Variants in METRNL observed in about 807,000 individuals in gnomAD.
The protein encoded by METRNL is meteorin-like protein.
In METRNL, 9 loss-of-function variants were observed where a neutral mutation model predicts 17.4. That is an observed-to-expected ratio of 0.52 (90% CI 0.31 to 0.90). The LOEUF (loss-of-function observed/expected upper bound fraction) is 0.90. METRNL is among the 40% of genes least tolerant of loss of function. The pLI is 0.05. For synonymous variants in METRNL, 215 were observed against 199.3 expected (o/e 1.08, Z -0.66); for missense variants, 408 against 430.7 (o/e 0.95, Z 0.47).
chr17:83,091,003 C>T (rs747308546), intron 2 of METRNL, among the ~76,000 whole-genome samples: 3 of 152,176 alleles, frequency 2.0e-5, no homozygotes, highest in Non-Finnish European at 4.4e-5. Flanking sequence ...CCCCGGGGCC[C>T]CCATAGGAGA....
In METRNL at chr17:83,079,854, G is replaced by C. The variant is rs1336323807; in HGVS notation, c.39G>C (p.Gly13=). The C allele has an allele frequency of 1.0e-6, 1 of 971,018 alleles. No individual in the cohort carries two copies. The highest frequency in any genetic ancestry group is 1.2e-6 in the Non-Finnish European group (1 of 820,998). 60.2% of individuals were successfully genotyped at this position (971,018 alleles called of 1,614,324 possible). Reference sequence around the variant, plus strand: ...CGCGGGCGGCCTGGGGGCGCGCGGGGCAGCCGTGGCCGCGACCCCCCGCCC... The same window carrying C: ...CGCGGGCGGCCTGGGGGCGCGCGGGCCAGCCGTGGCCGCGACCCCCCGCCC... ...GAARAAWGRA[G]QPWPRPPAPG... Residue 13 remains glycine (G), a synonymous_variant, in exon 1 of 4, where the codon GGG becomes GGC. Transcript: ENST00000320095.
intron 1 of METRNL, among the ~76,000 whole-genome samples, chr17:83,081,231 C>G (rs560208898): frequency 6.6e-6 from 1 of 152,136 alleles, no homozygotes; most frequent in Admixed American, 6.5e-5. Flanking sequence ...CCGAGGCCGA[C>G]GGCTCTTCTG....
At chr17:83,083,227 G>A (rs2038010186) in intron 1 of METRNL, among the ~76,000 whole-genome samples, 1 of 152,214 alleles carries the variant, frequency 6.6e-6, no homozygotes, top group Non-Finnish European at 1.5e-5. Context: ...AGTTGTGGCT[G>A]TTCCCCTCGC....
At chr17:83,086,350 G>A (rs545737496) in intron 2 of METRNL, among the ~76,000 whole-genome samples, 1 of 152,342 alleles carries the variant, frequency 6.6e-6, no homozygotes, top group African/African-American at 2.4e-5. Context: ...TGGCCCATGA[G>A]CTCAGACTGC....
intron 3 of METRNL, among the ~76,000 whole-genome samples, chr17:83,093,750 C>CG (rs1470858514): frequency 9.2e-5 from 14 of 152,120 alleles, no homozygotes; most frequent in Admixed American, 6.5e-5. Flanking sequence ...TTTGGCCTCC[C>CG]GTCGTGTGGT....
chr17:83,093,280 G>A, intron 3 of METRNL, 54 bp downstream of exon 3: 1 of 1,475,396 alleles, frequency 6.8e-7, no homozygotes, highest in Non-Finnish European at 9.4e-7. Flanking sequence ...TCTGCCACAT[G>A]GAGCTGTTTG....
At chr17:83,087,530 C>G (rs1470625348) in intron 2 of METRNL, among the ~76,000 whole-genome samples, 1 of 152,192 alleles carries the variant, frequency 6.6e-6, no homozygotes, top group Non-Finnish European at 1.5e-5. Context: ...GCTGATACCT[C>G]TCCTCTCCCC....
chr17:83,090,851 C>T (rs1444427686), intron 2 of METRNL, among the ~76,000 whole-genome samples: 1 of 152,070 alleles, frequency 6.6e-6, no homozygotes, highest in African/African-American at 2.4e-5. Flanking sequence ...CTCCTTGTTG[C>T]TTCCGGACGT....
chr17:83,094,678 A>G lies in METRNL; in HGVS notation c.*103A>G, dbSNP rs8269. On this transcript the variant is annotated 3_prime_UTR_variant, in exon 4 of 4. Coordinates refer to ENST00000320095, the MANE Select transcript of METRNL (RefSeq NM_001004431.3). ...GTGAGGGCCGCGCGCTGGGAGCCGC[A>G]TGCCCTGGGCCCAGGCCTGACCCTG... 0.37 allele frequency: 353,223 copies of G among 967,728 alleles called. 66,809 individuals carry two copies. The highest frequency in any genetic ancestry group is 0.57 in the East Asian group (17,783 of 30,942). 59.9% of individuals were successfully genotyped at this position (967,728 alleles called of 1,614,324 possible).
In METRNL at chr17:83,085,336, C is replaced by T. The variant is rs1164858261; in HGVS notation, c.556+13C>T. On this transcript the variant is annotated intron_variant, in intron 2 of 3. Coordinates refer to ENST00000320095, the MANE Select transcript of METRNL (RefSeq NM_001004431.3). ...CACGAGCTGTCTGGTGAGTGTCCTG[C>T]CTGGGGCGGGGGCGGCGGGCCTCGT... 14 of 1,513,816 alleles carry T rather than the reference C, an allele frequency of 9.2e-6. No homozygotes were observed. Among genetic ancestry groups the T allele is most frequent in the Middle Eastern group, 1.9e-4 (1 of 5,264 alleles). The allele number at this position is 1,513,816 out of a possible 1,614,324, so 93.8% of individuals were successfully genotyped here.
intron 1 of METRNL, 136 bp downstream of exon 1, chr17:83,080,121 G>A: frequency 3.4e-6 from 1 of 297,056 alleles, no homozygotes; most frequent in Non-Finnish European, 5.0e-6. Context: ...TCCAGGCCCA[G>A]TCCGGTGCCC....
At chr17:83,091,731 G>A (rs2038139632) in intron 2 of METRNL, among the ~76,000 whole-genome samples, 1 of 152,234 alleles carries the variant, frequency 6.6e-6, no homozygotes, top group South Asian at 2.1e-4. Flanking sequence ...CCCAAGTCAA[G>A]GTCGTCCCAG....
In METRNL at chr17:83,094,297, C is replaced by T. The variant is rs760504714; in HGVS notation, c.658C>T (p.Arg220Trp). ...SIQQVTHEPE[R>W]QDSAIHLRVS... ...CCAGCAAGTTACCCACGAGCCTGAG[C>T]GGCAGGACTCAGCCATCCACCTGCG... The change falls in exon 4 of 4, where the codon CGG becomes TGG. Residue 220 changes from arginine to tryptophan, a missense_variant. Physicochemically the swap from Arg to Trp is moderately radical, Grantham distance 101. Coordinates refer to ENST00000320095, the MANE Select transcript of METRNL (RefSeq NM_001004431.3). 165 of 1,590,268 alleles carry T rather than the reference C, an allele frequency of 1.0e-4. No individual in the cohort carries two copies. Among genetic ancestry groups the T allele is most frequent in the Non-Finnish European group, 1.4e-4 (157 of 1,162,674 alleles).
In METRNL at chr17:83,084,751, C is replaced by A. The variant is rs575466354; in HGVS notation, c.171-187C>A. 67 of 679,840 alleles carry A rather than the reference C, an allele frequency of 9.9e-5. 1 individual carries two copies. The South Asian group carries it at 1.3e-3, about 13-fold the overall frequency. The allele number at this position is 679,840 out of a possible 1,614,324, so 42.1% of individuals were successfully genotyped here. A position where few individuals can be genotyped will look rare whatever the true frequency, so the allele number is the denominator to read the frequency against. ...AAGGAACTGGGTGGGGCCCTTGTGC[C>A]GAAGGGCGGAGATGGCGCCGGCCTG... On this transcript the variant is annotated intron_variant, in intron 1 of 3. Coordinates refer to ENST00000320095, the MANE Select transcript of METRNL (RefSeq NM_001004431.3).
chr17:83,093,382 G>A (rs145502883), intron 3 of METRNL, among the ~76,000 whole-genome samples, 156 bp downstream of exon 3: 3,424 of 152,274 alleles, frequency 0.022, 143 homozygotes, highest in African/African-American at 0.077. Context: ...CCCTGGGCTC[G>A]GCCCTCCACC....
chr17:83,092,242 G>A lies in METRNL; in HGVS notation c.557-925G>A, dbSNP rs149237720. On this transcript the variant is annotated intron_variant, in intron 2 of 3. Transcript: ENST00000320095. ...TGGCATCCGGGGAAGGGGCCGGGCC[G>A]ATGGCCCTGACTGGAACTCACTGCC... 7.5e-3 allele frequency among the ~76,000 whole-genome samples: 1,148 copies of A among 152,344 alleles called. 8 individuals are homozygous for A. The highest frequency in any genetic ancestry group is 0.011 in the Non-Finnish European group (754 of 68,026).
intron 2 of METRNL, among the ~76,000 whole-genome samples, chr17:83,086,680 T>C (rs746957402): frequency 2.0e-5 from 3 of 152,194 alleles, no homozygotes; most frequent in Non-Finnish European, 2.9e-5. Context: ...CTTGAAGACG[T>C]TGGGCTGCGG....
chr17:83,079,926 C>G lies in METRNL; in HGVS notation c.111C>G (p.Ala37=). 1 of 1,006,348 alleles carries G rather than the reference C, an allele frequency of 9.9e-7. No homozygotes were observed. The highest frequency in any genetic ancestry group is 1.2e-6 in the Non-Finnish European group (1 of 845,634). 62.3% of individuals were successfully genotyped at this position (1,006,348 alleles called of 1,614,324 possible). The part of the protein sequence containing the change: ...PPLPLLLLLL[A]GLLGGAGAQY... ...TCCCGCTGCTGCTCCTGCTCCTGGCCGGGCTGCTGGGCGGCGCGGGCGCGC... is the reference window on the plus strand; with the variant it reads ...TCCCGCTGCTGCTCCTGCTCCTGGCGGGGCTGCTGGGCGGCGCGGGCGCGC... The change falls in exon 1 of 4, where the codon GCC becomes GCG. Residue 37 remains alanine (A), a synonymous_variant. Transcript: ENST00000320095.
At chr17:83,093,385 C>T (rs1369779622) in intron 3 of METRNL, among the ~76,000 whole-genome samples, 159 bp downstream of exon 3, 1 of 152,182 alleles carries the variant, frequency 6.6e-6, no homozygotes, top group Non-Finnish European at 1.5e-5. Context: ...TGGGCTCGGC[C>T]CTCCACCAGC....
Sources: allele counts gnomAD v4.1 joint callset (sites outside exome capture counted in the v4.1 genomes callset), GRCh38; gene constraint gnomAD v4.1.1; transcripts MANE v1.5; gene names NCBI Gene and HGNC (gene_info 2026-07-23, HGNC 2026-07-21).